The following FANCB variants were observed in gnomAD, a reference collection of about 807,000 sequenced individuals.
FANCB encodes the protein Fanconi anemia group B protein.
FANCB carries 5 observed loss-of-function variants against 38.9 expected under a neutral mutation model. The ratio of observed to expected loss-of-function variants is 0.13; its 90% confidence interval spans 0.07 to 0.27. The LOEUF (loss-of-function observed/expected upper bound fraction) is 0.27. Among genes scored for constraint, FANCB ranks in the 10% least tolerant of loss-of-function variants. The probability of loss-of-function intolerance (pLI) is 1.00; values close to 1 mark genes in which losing one functional copy is unlikely to be tolerated. For missense variants in FANCB, 573 were observed against 602.7 expected (o/e 0.95, Z 0.52); for synonymous variants, 236 against 215.4 (o/e 1.10, Z -0.84).
At chrX:14,810,119 G>T in the FANCB span, among the ~76,000 whole-genome samples, 1 of 111,808 alleles carries the variant, frequency 8.9e-6, no homozygotes, top group Non-Finnish European at 1.9e-5. Flanking sequence ...TCTGTTAGAA[G>T]GAAAACTAAC....
chrX:14,850,667 C>A lies in FANCB; in HGVS notation c.1334G>T (p.Cys445Phe). The change falls in exon 7 of 10, where the codon TGT becomes TTT. Residue 445 changes from cysteine to phenylalanine, a missense_variant. Transcript: ENST00000650831. ...TTCTTCACCACAAAGAGGAACAAGACATTCCTTCTAAAAAAAAAAGTTTAA... is the reference window on the plus strand; with the variant it reads ...TTCTTCACCACAAAGAGGAACAAGAAATTCCTTCTAAAAAAAAAAGTTTAA... ...DNTSSAEEKE[C>F]LVPLCGEEEN... 8.8e-7 allele frequency: 1 copy of A among 1,137,413 alleles called. No homozygotes were observed. The highest frequency in any genetic ancestry group is 1.2e-6 in the Non-Finnish European group (1 of 835,947). The allele number at this position is 1,137,413 out of a possible 1,213,427, so 93.7% of individuals were successfully genotyped here.
At chrX:14,811,099 T>C in the FANCB span, among the ~76,000 whole-genome samples, 6 of 109,333 alleles carry the variant, frequency 5.5e-5, no homozygotes, top group African/African-American at 1.0e-4. Flanking sequence ...TAAAATACTT[T>C]ACAGACAAGC....
chrX:14,828,116 C>A, the FANCB span, among the ~76,000 whole-genome samples: 10 of 111,742 alleles, frequency 8.9e-5, no homozygotes, highest in Non-Finnish European at 1.9e-4. Context: ...TACTTTATTC[C>A]TAAAAAAGGC....
chrX:14,796,223 C>A, the FANCB span, among the ~76,000 whole-genome samples: 3 of 109,861 alleles, frequency 2.7e-5, no homozygotes, highest in Non-Finnish European at 1.9e-5. Flanking sequence ...TCTGGCTCAG[C>A]ATCTCTTGCA....
chrX:14,807,152 C>T, the FANCB span, among the ~76,000 whole-genome samples: 30 of 112,251 alleles, frequency 2.7e-4, 1 homozygote, highest in Admixed American at 2.0e-3. Flanking sequence ...AGGTAAAAGT[C>T]ATCAAGCTTG....
intron 7 of FANCB, among the ~76,000 whole-genome samples, chrX:14,848,536 T>C (rs1425331664): frequency 8.9e-6 from 1 of 111,961 alleles, no homozygotes; most frequent in East Asian, 2.8e-4. Context: ...ACCGGTTGTC[T>C]AGCTTCACGT....
chrX:14,781,639 A>C, the FANCB span, among the ~76,000 whole-genome samples: 2 of 110,866 alleles, frequency 1.8e-5, no homozygotes, highest in African/African-American at 6.6e-5. Flanking sequence ...AAAAGTAAAG[A>C]GGTGGTTCAA....
At chrX:14,707,606 G>A in the FANCB span, among the ~76,000 whole-genome samples, 1 of 91,635 alleles carries the variant, frequency 1.1e-5, no homozygotes, top group Non-Finnish European at 2.1e-5. Context: ...CAACAACAAA[G>A]AAAATATCAT....
the FANCB span, among the ~76,000 whole-genome samples, chrX:14,746,875 T>A: frequency 1.8e-5 from 2 of 111,995 alleles, no homozygotes; most frequent in African/African-American, 6.5e-5. Flanking sequence ...CCATCTGTAA[T>A]GGGAACAAGG....
chrX:14,784,664 G>A, the FANCB span, among the ~76,000 whole-genome samples: 1 of 112,194 alleles, frequency 8.9e-6, no homozygotes, highest in South Asian at 3.7e-4. Flanking sequence ...CCATTACTGG[G>A]TATGTACCCA....
the FANCB span, among the ~76,000 whole-genome samples, chrX:14,805,590 C>A: frequency 8.9e-6 from 1 of 111,785 alleles, no homozygotes; most frequent in Non-Finnish European, 1.9e-5. Context: ...TTCTGAAGAA[C>A]TCTCAAACCC....
the FANCB span, among the ~76,000 whole-genome samples, chrX:14,786,115 G>T: frequency 9.0e-6 from 1 of 111,418 alleles, no homozygotes; most frequent in Non-Finnish European, 1.9e-5. Flanking sequence ...AAGCAAGGGG[G>T]CTGGGCCTTT....
the FANCB span, among the ~76,000 whole-genome samples, chrX:14,739,203 T>C: frequency 8.9e-6 from 1 of 112,364 alleles, no homozygotes; most frequent in East Asian, 2.8e-4. Context: ...GAATTAAAGA[T>C]AACACTATAA....
At chrX:14,810,607 G>T in the FANCB span, among the ~76,000 whole-genome samples, 1 of 111,366 alleles carries the variant, frequency 9.0e-6, no homozygotes, top group Non-Finnish European at 1.9e-5. Flanking sequence ...GAGAAGGGAA[G>T]TTTAGAGAAA....
the FANCB span, chrX:14,730,078 G>A: frequency 7.8e-6 from 4 of 511,095 alleles, no homozygotes; most frequent in African/African-American, 2.4e-5. Flanking sequence ...AAGAGAACTC[G>A]CTATTCCAAA....
At chrX:14,695,234 A>G in the FANCB span, among the ~76,000 whole-genome samples, 3 of 111,649 alleles carry the variant, frequency 2.7e-5, no homozygotes, top group African/African-American at 9.7e-5. Flanking sequence ...CAGAAAAAGG[A>G]ACAAAGGAAA....
At chrX:14,790,266 C>T in the FANCB span, among the ~76,000 whole-genome samples, 1 of 111,914 alleles carries the variant, frequency 8.9e-6, no homozygotes, top group African/African-American at 3.2e-5. Flanking sequence ...ACCTTGAAAG[C>T]TTGTAAAACA....
At chrX:14,798,960 G>A in the FANCB span, among the ~76,000 whole-genome samples, 1 of 111,715 alleles carries the variant, frequency 9.0e-6, no homozygotes, top group Non-Finnish European at 1.9e-5. Flanking sequence ...TGGCTGGACT[G>A]ACTGGACCGA....
chrX:14,799,384 C>T, the FANCB span, among the ~76,000 whole-genome samples: 1 of 112,078 alleles, frequency 8.9e-6, no homozygotes, highest in South Asian at 3.7e-4. Flanking sequence ...CCTCCTCTAG[C>T]CCACCAGTAT....
Sources: gnomAD v4.1 joint callset for allele counts (sites outside exome capture counted in the v4.1 genomes callset) on GRCh38, gnomAD v4.1.1 for gene constraint, MANE v1.5 for transcripts, NCBI Gene and HGNC (gene_info 2026-07-23, HGNC 2026-07-21) for gene names.